The following C10orf90 variants were observed in gnomAD, a reference collection of about 807,000 sequenced individuals.
The protein encoded by C10orf90 is chromosome 10 open reading frame 90, also known as (E2-independent) E3 ubiquitin-conjugating enzyme FATS.
Under a neutral mutation model 62.5 loss-of-function variants are expected in C10orf90, and 56 were observed. That is an observed-to-expected ratio of 0.90 (90% confidence interval 0.72 to 1.12). The LOEUF is 1.12. Among genes scored for constraint, C10orf90 ranks in the 50% most tolerant of loss-of-function variants. The pLI, the probability that C10orf90 is intolerant of heterozygous loss-of-function variation, is 0.00. For missense variants in C10orf90, 970 were observed against 880.4 expected, an observed-to-expected ratio of 1.10 and a Z score of -1.29; for synonymous variants, 386 against 340.4, an observed-to-expected ratio of 1.13 and a Z score of -1.47.
chr10:126,502,919 A>G, intron 4 of C10orf90: 1 of 464,630 alleles, frequency 2.2e-6, no homozygotes, highest in East Asian at 5.9e-5. Context: ...TCAATATTTC[A>G]ATATATATAC....
intron 7 of C10orf90, among the ~76,000 whole-genome samples, chr10:126,440,747 G>A (rs1858255982): frequency 6.6e-6 from 1 of 152,174 alleles, no homozygotes. Flanking sequence ...TACCAGCCTG[G>A]AGCCTGGTAG....
At chr10:126,460,860 G>A (rs1020998300) in intron 6 of C10orf90, among the ~76,000 whole-genome samples, 5 of 152,206 alleles carry the variant, frequency 3.3e-5, no homozygotes, top group Non-Finnish European at 7.3e-5. Context: ...CTCTGAGGTT[G>A]TTTGCCTTCC....
At chr10:126,500,627 GT>G (rs1564836340) in intron 4 of C10orf90, among the ~76,000 whole-genome samples, 1 of 152,136 alleles carries the variant, frequency 6.6e-6, no homozygotes, top group East Asian at 1.9e-4. Context: ...ATGCTTACCA[GT>G]AGTAGAGATG....
intron 2 of C10orf90, among the ~76,000 whole-genome samples, chr10:126,632,597 C>T (rs892336644): frequency 3.3e-5 from 5 of 152,060 alleles, no homozygotes; most frequent in Admixed American, 1.3e-4. Context: ...GTCCCAGACA[C>T]TATGCACTAC....
intron 2 of C10orf90, among the ~76,000 whole-genome samples, chr10:126,525,536 C>G (rs1863913044): frequency 6.6e-6 from 1 of 152,168 alleles, no homozygotes; most frequent in African/African-American, 2.4e-5. Context: ...CCGCCGTGAG[C>G]TGGACAAATG....
intron 5 of C10orf90, 115 bp from the exon 6 acceptor site, chr10:126,461,700 T>A: frequency 9.5e-7 from 1 of 1,049,822 alleles, no homozygotes; most frequent in Non-Finnish European, 1.4e-6. Context: ...AGTGGACTAT[T>A]AATGGGCCTC....
Position 126,461,529 on chromosome 10 carries a change from C to T in C10orf90, c.1882G>A (p.Asp628Asn), listed in dbSNP as rs1859978167. 1 of 1,613,828 alleles carries T rather than the reference C, an allele frequency of 6.2e-7. No homozygotes were observed. The highest frequency in any genetic ancestry group is 8.5e-7 in the Non-Finnish European group (1 of 1,179,944). The change falls in exon 6 of 10, where the codon GAC becomes AAC. Residue 628 changes from aspartate (D) to asparagine (N), a missense_variant. Transcript: ENST00000488181. ...GGGGAGGGCTCAGGTGTGGTGGGGT[C>T]CTCACTCTTCTTACATTCCTTTATT... is the stretch of plus-strand genomic sequence containing the variant. Reference protein sequence around the residue: ...VKIKECKKSEDPTTPEPSPAA... With the variant: ...VKIKECKKSENPTTPEPSPAA...
chr10:126,638,311 C>T (rs1206604334), intron 2 of C10orf90, among the ~76,000 whole-genome samples: 1 of 152,092 alleles, frequency 6.6e-6, no homozygotes, highest in Non-Finnish European at 1.5e-5. Context: ...GGCACCATCT[C>T]TTTCCACTGT....
intron 1 of C10orf90, among the ~76,000 whole-genome samples, chr10:126,668,019 C>T (rs1275889012): frequency 6.6e-6 from 1 of 152,092 alleles, no homozygotes; most frequent in Non-Finnish European, 1.5e-5. Flanking sequence ...TAAAGGTATG[C>T]GTGTGGCTGG....
chr10:126,552,639 C>T (rs1864662345), intron 2 of C10orf90, among the ~76,000 whole-genome samples: 1 of 152,236 alleles, frequency 6.6e-6, no homozygotes, highest in African/African-American at 2.4e-5. Flanking sequence ...GATCGTGTGG[C>T]TCAGTGGGCA....
chr10:126,491,958 T>C (rs1261717229), intron 4 of C10orf90, among the ~76,000 whole-genome samples: 1 of 152,158 alleles, frequency 6.6e-6, no homozygotes, highest in Admixed American at 6.5e-5. Flanking sequence ...TCTAAGCCTG[T>C]CTGTGAAAAG....
At chr10:126,618,547 C>G (rs1323722481) in intron 2 of C10orf90, among the ~76,000 whole-genome samples, 2 of 152,166 alleles carry the variant, frequency 1.3e-5, no homozygotes, top group Non-Finnish European at 2.9e-5. Context: ...ACCTCTTCCT[C>G]CTTATTTTAA....
intron 2 of C10orf90, among the ~76,000 whole-genome samples, chr10:126,628,918 T>C (rs1352312872): frequency 6.6e-6 from 1 of 152,176 alleles, no homozygotes; most frequent in Non-Finnish European, 1.5e-5. Context: ...CACACTGCTA[T>C]CATGGGTGCC....
intron 7 of C10orf90, among the ~76,000 whole-genome samples, chr10:126,446,842 A>T (rs200943440): frequency 6.6e-6 from 1 of 152,084 alleles, no homozygotes; most frequent in Non-Finnish European, 1.5e-5. Flanking sequence ...TTAAGAAAAA[A>T]ATATATAAAA....
At chr10:126,619,183 T>A (rs996641216) in intron 2 of C10orf90, among the ~76,000 whole-genome samples, 3 of 152,222 alleles carry the variant, frequency 2.0e-5, no homozygotes, top group Non-Finnish European at 2.9e-5. Flanking sequence ...TAACAATACA[T>A]TTATCCATTT....
At chr10:126,639,264 C>T (rs543630703) in intron 2 of C10orf90, among the ~76,000 whole-genome samples, 173 of 152,304 alleles carry the variant, frequency 1.1e-3, no homozygotes, top group African/African-American at 4.1e-3. Context: ...AGCTATTTAT[C>T]TTGCTCTGTG....
Position 126,464,782 on chromosome 10 carries a change from A to G in C10orf90, c.1739T>C (p.Phe580Ser), listed in dbSNP as rs144737013. 1.3e-4 allele frequency: 204 copies of G among 1,614,086 alleles called. No homozygotes were observed. In the Middle Eastern group the frequency reaches 2.6e-3, roughly 21 times the overall value. Residue 580 changes from phenylalanine (F) to serine (S), a missense_variant, in exon 5 of 10, where the codon TTT becomes TCT. Physicochemically the swap from Phe to Ser is radical, Grantham distance 155. Coordinates refer to ENST00000488181, the MANE Select transcript of C10orf90 (RefSeq NM_001350921.2). Reference protein sequence around the residue: ...HQSFLKPRILFPGFLCPLQDV... With the variant: ...HQSFLKPRILSPGFLCPLQDV... ...TTGTAAGGGGCAAAGAAACCCAGGA[A>G]AAAGGATTCTGGGTTTCAGGAAGCT...
rs570191367 is a variant in C10orf90, at chr10:126,572,004, C to T, written c.314-58065G>A. The stretch of plus-strand genomic sequence containing the variant: ...GCCTTCTGATGCCCTGGTCCGGCAT[C>T]GATGCTTAGTACATTTGTCAGAGGC... On this transcript the variant is annotated intron_variant, in intron 2 of 9. Coordinates refer to ENST00000488181, the MANE Select transcript of C10orf90 (RefSeq NM_001350921.2). Among the ~76,000 whole-genome samples the T allele has an allele frequency of 1.5e-4, 23 of 152,232 alleles. No individual in the cohort carries two copies. In the South Asian group the frequency reaches 3.1e-3, roughly 21 times the overall value.
At chr10:126,539,991 G>A (rs1029686225) in intron 2 of C10orf90, among the ~76,000 whole-genome samples, 3 of 152,184 alleles carry the variant, frequency 2.0e-5, no homozygotes, top group Admixed American at 6.5e-5. Context: ...TAACTGAAAA[G>A]CAGTTAGAAC....
Sources: gnomAD v4.1 joint callset for allele counts (sites outside exome capture counted in the v4.1 genomes callset) on GRCh38, gnomAD v4.1.1 for gene constraint, MANE v1.5 for transcripts, NCBI Gene and HGNC (gene_info 2026-07-23, HGNC 2026-07-21) for gene names.